Variants in SMYD3 observed in about 807,000 individuals in gnomAD.
SMYD3 encodes the protein histone-lysine N-methyltransferase SMYD3.
SMYD3 carries 36 observed loss-of-function variants against 57.7 expected under a neutral mutation model. The ratio of observed to expected loss-of-function variants is 0.62; its 90% confidence interval spans 0.48 to 0.82. The LOEUF is 0.82. Among genes scored for constraint, SMYD3 ranks in the 40% least tolerant of loss-of-function variants. The pLI is 0.00. For missense variants in SMYD3, 515 were observed against 538.8 expected (o/e 0.96, Z 0.44); for synonymous variants, 211 against 195.0 (o/e 1.08, Z -0.68).
intron 10 of SMYD3, among the ~76,000 whole-genome samples, chr1:245,829,199 A>G (rs1178535114): frequency 6.7e-6 from 1 of 150,308 alleles, no homozygotes; most frequent in Non-Finnish European, 1.5e-5. Context: ...AGAACACCTT[A>G]TAACTAACCT....
At chr1:245,786,949 C>T (rs777397362) in intron 10 of SMYD3, among the ~76,000 whole-genome samples, 4 of 152,178 alleles carry the variant, frequency 2.6e-5, no homozygotes, top group South Asian at 2.1e-4. Context: ...AAAATCCTGT[C>T]ATAGAGTAAC....
chr1:245,957,984 AGG>A (rs922085873), intron 5 of SMYD3, among the ~76,000 whole-genome samples: 11 of 150,998 alleles, frequency 7.3e-5, no homozygotes, highest in Non-Finnish European at 1.6e-4. Flanking sequence ...CAGACAAGGT[AGG>A]GACGCTGAAT....
At chr1:246,487,856 G>A (rs939251302) in intron 1 of SMYD3, among the ~76,000 whole-genome samples, 35 of 152,028 alleles carry the variant, frequency 2.3e-4, no homozygotes, top group Admixed American at 8.5e-4. Flanking sequence ...CACCAAGCCC[G>A]GCTAATTTTG....
chr1:246,173,024 T>C (rs1358816309), intron 5 of SMYD3, among the ~76,000 whole-genome samples: 1 of 151,256 alleles, frequency 6.6e-6, no homozygotes, highest in Admixed American at 6.6e-5. Flanking sequence ...CTCACTGTAC[T>C]CTACTGTAGA....
chr1:246,420,802 C>T (rs950915805), intron 1 of SMYD3, among the ~76,000 whole-genome samples: 2 of 152,098 alleles, frequency 1.3e-5, no homozygotes, highest in African/African-American at 4.8e-5. Context: ...GAGAAATTGC[C>T]GTGGAGCAGG....
At chr1:246,150,452 T>C (rs2061923569) in intron 5 of SMYD3, among the ~76,000 whole-genome samples, 1 of 152,218 alleles carries the variant, frequency 6.6e-6, no homozygotes, top group African/African-American at 2.4e-5. Context: ...AGCTCACTTA[T>C]ACAGACCACT....
chr1:246,331,395 C>G (rs1423009182), intron 3 of SMYD3, among the ~76,000 whole-genome samples: 1 of 152,194 alleles, frequency 6.6e-6, no homozygotes, highest in African/African-American at 2.4e-5. Context: ...CATGCTCGCC[C>G]TGTGCATTAG....
chr1:246,293,280 A>T (rs765022178), intron 5 of SMYD3, among the ~76,000 whole-genome samples: 15 of 152,204 alleles, frequency 9.9e-5, no homozygotes, highest in Admixed American at 9.2e-4. Context: ...TCTGAACAAC[A>T]AATCATTCGC....
chr1:245,979,861 A>G (rs2058553836), intron 5 of SMYD3, among the ~76,000 whole-genome samples: 1 of 152,248 alleles, frequency 6.6e-6, no homozygotes, highest in South Asian at 2.1e-4. Flanking sequence ...GTCAAAAACA[A>G]AAATGCAGTT....
At chr1:245,988,410 G>A (rs1334765192) in intron 5 of SMYD3, 1 of 152,236 alleles carries the variant, frequency 6.6e-6, no homozygotes, top group Non-Finnish European at 1.5e-5. Context: ...GAATTGTTAA[G>A]AATTAGAGAC....
At chr1:245,771,139 T>C (rs1953948) in intron 10 of SMYD3, among the ~76,000 whole-genome samples, 12,055 of 151,750 alleles carry the variant, frequency 0.079, 1,514 homozygotes, top group African/African-American at 0.26. Flanking sequence ...TACATGTATA[T>C]ATACATACAT....
intron 10 of SMYD3, among the ~76,000 whole-genome samples, chr1:245,818,701 T>G (rs949444241): frequency 2.0e-5 from 3 of 151,374 alleles, no homozygotes; most frequent in African/African-American, 4.9e-5. Context: ...TGGAGGAAGA[T>G]CTACCAAGCA....
At chr1:245,802,588 T>A (rs564105264) in intron 10 of SMYD3, among the ~76,000 whole-genome samples, 14 of 152,308 alleles carry the variant, frequency 9.2e-5, no homozygotes, top group Admixed American at 6.5e-4. Context: ...CTACCCCTGG[T>A]TAGTGGCTTC....
chr1:246,487,025 C>T (rs112394209), intron 1 of SMYD3, among the ~76,000 whole-genome samples: 290 of 152,236 alleles, frequency 1.9e-3, no homozygotes, highest in Middle Eastern at 3.4e-3. Flanking sequence ...TGGTCTAGAA[C>T]TATACTGAAG....
At chr1:246,436,518 A>T (rs12057315) in intron 1 of SMYD3, among the ~76,000 whole-genome samples, 12,298 of 152,246 alleles carry the variant, frequency 0.081, 828 homozygotes, top group African/African-American at 0.18. Context: ...AGTAATACAT[A>T]GAAAGTATCT....
chr1:245,753,811 C>T (rs1459722135), intron 11 of SMYD3, among the ~76,000 whole-genome samples: 1 of 152,238 alleles, frequency 6.6e-6, no homozygotes, highest in African/African-American at 2.4e-5. Context: ...CTTCTCCTAC[C>T]ACTCCCATCT....
intron 1 of SMYD3, among the ~76,000 whole-genome samples, chr1:246,431,729 C>A (rs2067299318): frequency 6.6e-6 from 1 of 152,114 alleles, no homozygotes; most frequent in Non-Finnish European, 1.5e-5. Context: ...GAGATCCCAT[C>A]TCAAAAAACA....
chr1:246,221,718 A>G (rs1475850300), intron 5 of SMYD3, among the ~76,000 whole-genome samples: 1 of 152,188 alleles, frequency 6.6e-6, no homozygotes, highest in Non-Finnish European at 1.5e-5. Context: ...CTGACCGCAC[A>G]GTGGGCGGAC....
At chr1:246,083,994 AG>A (rs1313774448) in intron 5 of SMYD3, among the ~76,000 whole-genome samples, 1 of 152,120 alleles carries the variant, frequency 6.6e-6, no homozygotes, top group Non-Finnish European at 1.5e-5. Flanking sequence ...CAGTCTAAAC[AG>A]GCCCACCCAA....
Sources: gnomAD v4.1 joint callset for allele counts (sites outside exome capture counted in the v4.1 genomes callset) on GRCh38, gnomAD v4.1.1 for gene constraint, MANE v1.5 for transcripts, NCBI Gene and HGNC (gene_info 2026-07-23, HGNC 2026-07-21) for gene names.